SYTL2: variants seen among roughly 807,000 people sequenced by gnomAD.
SYTL2 encodes the protein synaptotagmin like 2.
A neutral mutation model predicts 198.7 loss-of-function variants in SYTL2; 165 were observed. That is an observed-to-expected ratio of 0.83 (90% CI 0.73 to 0.94). The LOEUF (loss-of-function observed/expected upper bound fraction) is 0.94. SYTL2 is among the 40% of genes least tolerant of loss of function. The probability of loss-of-function intolerance (pLI) is 0.00; values close to 1 mark genes in which losing one functional copy is unlikely to be tolerated. For missense variants in SYTL2, 2,835 were observed against 2,582.8 expected (o/e 1.10, Z -2.12); for synonymous variants, 966 against 917.7 (o/e 1.05, Z -0.95).
At chr11:85,707,763 A>G (rs908003279) in intron 14 of SYTL2, among the ~76,000 whole-genome samples, 4 of 152,012 alleles carry the variant, frequency 2.6e-5, no homozygotes, top group African/African-American at 4.8e-5. Flanking sequence ...CATTTCCTGC[A>G]TTCCTTTTTT....
intron 16 of SYTL2, among the ~76,000 whole-genome samples, chr11:85,702,945 G>T (rs544065781): frequency 6.6e-6 from 1 of 152,192 alleles, no homozygotes; most frequent in East Asian, 1.9e-4. Context: ...GGAGAGAAAT[G>T]GAATCAAAAT....
intron 1 of SYTL2, among the ~76,000 whole-genome samples, chr11:85,805,086 G>A (rs1377102444): frequency 6.6e-6 from 1 of 152,080 alleles, no homozygotes. Flanking sequence ...ACACATGGAG[G>A]GAATTACATG....
At chr11:85,769,469 T>A (rs1410941134) in intron 1 of SYTL2, among the ~76,000 whole-genome samples, 3 of 152,334 alleles carry the variant, frequency 2.0e-5, no homozygotes, top group East Asian at 3.9e-4. Context: ...CCCTAGAGCC[T>A]CCTGAAGGAA....
intron 1 of SYTL2, among the ~76,000 whole-genome samples, chr11:85,786,541 C>T (rs886891066): frequency 3.9e-5 from 6 of 152,186 alleles, no homozygotes; most frequent in African/African-American, 1.4e-4. Flanking sequence ...ATGTGATCTA[C>T]AATTGTCTCA....
At chr11:85,848,929 T>C in the SYTL2 span, among the ~76,000 whole-genome samples, 1 of 152,212 alleles carries the variant, frequency 6.6e-6, no homozygotes, top group African/African-American at 2.4e-5. Flanking sequence ...TTTGCCAGAA[T>C]TCTGGTTATT....
chr11:85,734,275 G>C lies in SYTL2; in HGVS notation c.1054C>G (p.Arg352Gly). Residue 352 changes from arginine (R) to glycine (G), a missense_variant, in exon 7 of 20, where the codon CGG (arginine) becomes GGG (glycine). Arg to Gly is a moderately radical substitution (Grantham distance 125). This residue lies in a region of SYTL2 where 2,645 missense variants were observed against 2,381.7 expected (regional missense o/e 1.11). Coordinates refer to ENST00000359152, the MANE Select transcript of SYTL2 (RefSeq NM_206927.4). ...LPQSPGLIHG[R>G]EVGEFSVLES... ...AAAACACTAAATTCTCCTACTTCCC[G>C]ACCATGGATTAGCCCAGGACTCTGT... The C allele has an allele frequency of 6.2e-7, 1 of 1,614,060 alleles. No individual in the cohort carries two copies. The highest frequency in any genetic ancestry group is 8.5e-7 in the Non-Finnish European group (1 of 1,179,970).
intron 1 of SYTL2, among the ~76,000 whole-genome samples, chr11:85,774,394 T>C (rs7129079): frequency 0.061 from 9,358 of 152,178 alleles, 918 homozygotes; most frequent in African/African-American, 0.21. Flanking sequence ...CAGTTGGGAT[T>C]TGAACTCAGG....
chr11:85,808,434 T>C (rs953482777), intron 1 of SYTL2, among the ~76,000 whole-genome samples: 1 of 152,154 alleles, frequency 6.6e-6, no homozygotes. Flanking sequence ...GTTTTGGTAA[T>C]AAGAAAATAA....
In SYTL2 at chr11:85,695,250, C is replaced by G. The variant is rs1388837399; in HGVS notation, c.6665G>C (p.Trp2222Ser). ...TCTGAGAGGCAGTGTTGCTTCAATC[C>G]AAGTATTGGGGGAGTTTACCATCTT... ...WEKMVNSPNT[W>S]IEATLPLRML... is the part of the protein sequence containing the mutation. Residue 2222 changes from tryptophan (W) to serine (S), a missense_variant, in exon 20 of 20, where the codon TGG becomes TCG. Trp to Ser is a radical substitution (Grantham distance 177, BLOSUM62 -3). This residue lies in a region of SYTL2 where 185 missense variants were observed against 182.1 expected (regional missense o/e 1.02). Coordinates refer to ENST00000359152, the MANE Select transcript of SYTL2 (RefSeq NM_206927.4). 3 of 1,612,602 alleles carry G rather than the reference C, an allele frequency of 1.9e-6. No individual in the cohort carries two copies. The highest frequency in any genetic ancestry group is 3.3e-5 in the Admixed American group (2 of 59,884).
chr11:85,713,392 A>C (rs2086644308), intron 12 of SYTL2, among the ~76,000 whole-genome samples: 1 of 152,230 alleles, frequency 6.6e-6, no homozygotes, highest in Admixed American at 6.5e-5. Flanking sequence ...TTTTCCCTGC[A>C]TTATCCTACC....
chr11:85,698,111 G>T, intron 17 of SYTL2, 33 bp from the exon 18 acceptor site: 1 of 1,466,958 alleles, frequency 6.8e-7, no homozygotes, highest in Non-Finnish European at 9.5e-7. Flanking sequence ...AATTTTCACT[G>T]CCAGTTCTCC....
At chr11:85,820,493 A>G in the SYTL2 span, among the ~76,000 whole-genome samples, 1 of 152,260 alleles carries the variant, frequency 6.6e-6, no homozygotes, top group Non-Finnish European at 1.5e-5. Flanking sequence ...CAGCATCAGC[A>G]TCACCTGGGA....
At chr11:85,823,728 C>T in the SYTL2 span, among the ~76,000 whole-genome samples, 43 of 152,282 alleles carry the variant, frequency 2.8e-4, no homozygotes, top group Middle Eastern at 0.01. Flanking sequence ...GACCACAAGA[C>T]CTTTTATACT....
chr11:85,834,867 C>T, the SYTL2 span, among the ~76,000 whole-genome samples: 270 of 151,710 alleles, frequency 1.8e-3, 2 homozygotes, highest in Middle Eastern at 0.027. Context: ...TCAAGTGATC[C>T]TCTCACCTCA....
chr11:85,846,992 C>A, the SYTL2 span, among the ~76,000 whole-genome samples: 3 of 152,172 alleles, frequency 2.0e-5, 1 homozygote, highest in East Asian at 5.8e-4. Context: ...CCTCGGCCTC[C>A]CGAAGCGCTG....
At chr11:85,750,666 T>C (rs1401232730) in intron 2 of SYTL2, among the ~76,000 whole-genome samples, 1 of 152,186 alleles carries the variant, frequency 6.6e-6, no homozygotes, top group Non-Finnish European at 1.5e-5. Context: ...ACCCAATAAC[T>C]GTCTGTTGAG....
At chr11:85,728,604 T>A (rs117269037) in intron 7 of SYTL2, among the ~76,000 whole-genome samples, 1 of 152,172 alleles carries the variant, frequency 6.6e-6, no homozygotes, top group African/African-American at 2.4e-5. Context: ...ATTTTAAATG[T>A]TAATTTTCTC....
chr11:85,831,819 A>C, the SYTL2 span, among the ~76,000 whole-genome samples: 1 of 152,234 alleles, frequency 6.6e-6, no homozygotes, highest in Non-Finnish European at 1.5e-5. Context: ...GATAAGAAAT[A>C]AGCTAAACAT....
chr11:85,785,828 C>A (rs937718584), intron 1 of SYTL2, among the ~76,000 whole-genome samples: 2 of 152,166 alleles, frequency 1.3e-5, no homozygotes, highest in Non-Finnish European at 2.9e-5. Flanking sequence ...TCAAAAAATA[C>A]CTGTTGAATG....
Sources: allele counts gnomAD v4.1 joint callset (sites outside exome capture counted in the v4.1 genomes callset), GRCh38; gene constraint gnomAD v4.1.1; regional missense constraint gnomAD v4.1.1; transcripts MANE v1.5; gene names NCBI Gene and HGNC (gene_info 2026-07-23, HGNC 2026-07-21).